GLRA3: variants seen among roughly 807,000 people sequenced by gnomAD.
GLRA3 encodes the protein glycine receptor alpha 3, also known as glycine receptor subunit alpha-3.
Under a neutral mutation model 60.4 loss-of-function variants are expected in GLRA3, and 44 were observed. The observed-to-expected ratio is 0.73, with a 90% CI of 0.57 to 0.94. GLRA3 has a LOEUF of 0.94. Ranked by LOEUF, GLRA3 falls within the 40% of genes least tolerant of loss-of-function variation. The pLI is 0.00. For missense variants in GLRA3, 508 were observed against 564.6 expected (o/e 0.90, Z 1.02); for synonymous variants, 223 against 192.9 (o/e 1.16, Z -1.29).
chr4:174,784,927 G>A (rs1240385117), intron 2 of GLRA3, among the ~76,000 whole-genome samples: 1 of 152,046 alleles, frequency 6.6e-6, no homozygotes, highest in Non-Finnish European at 1.5e-5. Flanking sequence ...CTATTCTGGA[G>A]GGGAAGAGAA....
intron 4 of GLRA3, among the ~76,000 whole-genome samples, chr4:174,719,251 C>A (rs1736050690): frequency 6.6e-6 from 1 of 152,222 alleles, no homozygotes; most frequent in East Asian, 1.9e-4. Flanking sequence ...GCGTGAGCCA[C>A]CGCGCCCGGC....
chr4:174,687,331 T>C (rs769589743), intron 5 of GLRA3, among the ~76,000 whole-genome samples: 2 of 152,204 alleles, frequency 1.3e-5, no homozygotes, highest in Non-Finnish European at 2.9e-5. Flanking sequence ...TTTAGTAAAT[T>C]TGGACCCTAT....
intron 1 of GLRA3, among the ~76,000 whole-genome samples, chr4:174,812,893 T>C (rs955411523): frequency 6.6e-6 from 1 of 152,114 alleles, no homozygotes; most frequent in Non-Finnish European, 1.5e-5. Context: ...AGGCAAAACA[T>C]TAACAGTTCC....
At chr4:174,794,304 A>T (rs1579619481) in intron 1 of GLRA3, among the ~76,000 whole-genome samples, 3 of 152,078 alleles carry the variant, frequency 2.0e-5, no homozygotes, top group Non-Finnish European at 4.4e-5. Flanking sequence ...TGCACTTTTT[A>T]AAAAAATATT....
chr4:174,766,350 G>C (rs1383590568), intron 3 of GLRA3, among the ~76,000 whole-genome samples: 3 of 151,912 alleles, frequency 2.0e-5, no homozygotes, highest in Non-Finnish European at 4.4e-5. Context: ...TTTTATTACA[G>C]TTAAATTGCC....
chr4:174,726,101 A>G (rs989006626), intron 4 of GLRA3, among the ~76,000 whole-genome samples: 2 of 152,192 alleles, frequency 1.3e-5, no homozygotes, highest in African/African-American at 2.4e-5. Context: ...CACTGACACT[A>G]TGGTGAGAGT....
At chr4:174,666,430 C>T (rs1017071828) in intron 7 of GLRA3, among the ~76,000 whole-genome samples, 2 of 151,544 alleles carry the variant, frequency 1.3e-5, no homozygotes, top group Non-Finnish European at 2.9e-5. Flanking sequence ...CCATGTATGT[C>T]CCCCAGCAGT....
At chr4:174,765,034 A>G (rs1439728323) in intron 3 of GLRA3, among the ~76,000 whole-genome samples, 1 of 152,040 alleles carries the variant, frequency 6.6e-6, no homozygotes, top group African/African-American at 2.4e-5. Context: ...AGTGAGTGAT[A>G]GATGCTCAAA....
intron 1 of GLRA3, among the ~76,000 whole-genome samples, chr4:174,819,821 T>C (rs1229906461): frequency 6.6e-6 from 1 of 152,170 alleles, no homozygotes; most frequent in Non-Finnish European, 1.5e-5. Flanking sequence ...CTCTGATAGG[T>C]GCAATAGCAG....
intron 3 of GLRA3, among the ~76,000 whole-genome samples, chr4:174,757,364 T>A (rs1255539849): frequency 6.6e-6 from 1 of 152,144 alleles, no homozygotes; most frequent in Admixed American, 6.5e-5. Context: ...ACACATCTGG[T>A]GATCAGATCT....
chr4:174,704,774 A>T (rs1434951152), intron 5 of GLRA3, among the ~76,000 whole-genome samples: 1 of 144,152 alleles, frequency 6.9e-6, no homozygotes. Flanking sequence ...AAGGAAGAAA[A>T]TCCTGACATA....
In GLRA3 at chr4:174,643,777, C is replaced by A. The variant is rs763884444; in HGVS notation, c.*9G>T. On this transcript the variant is annotated 3_prime_UTR_variant, in exon 10 of 10. Coordinates refer to ENST00000274093, the MANE Select transcript of GLRA3 (RefSeq NM_006529.4). The stretch of plus-strand genomic sequence containing the variant: ...AATTGACCATTTGCATTTGCATGCC[C>A]CCAGAGACTTAATCTTGCTGCTGAT... 1.2e-5 allele frequency: 20 copies of A among 1,609,004 alleles called. No individual in the cohort carries two copies. The highest frequency in any genetic ancestry group is 1.1e-5 in the South Asian group (1 of 90,746).
intron 7 of GLRA3, among the ~76,000 whole-genome samples, chr4:174,670,695 G>A (rs1381456884): frequency 6.6e-6 from 1 of 152,108 alleles, no homozygotes; most frequent in Admixed American, 6.6e-5. Context: ...CAAGTACAGA[G>A]AAAATGCTTG....
chr4:174,728,821 C>G, intron 3 of GLRA3, 123 bp from the exon 4 acceptor site: 1 of 608,630 alleles, frequency 1.6e-6, no homozygotes, highest in East Asian at 2.8e-5. Flanking sequence ...CTCTTGGGGA[C>G]GGGGTGTATA....
At chr4:174,647,228 G>A (rs920160583) in intron 9 of GLRA3, among the ~76,000 whole-genome samples, 5 of 152,084 alleles carry the variant, frequency 3.3e-5, no homozygotes, top group Admixed American at 1.3e-4. Flanking sequence ...CCAACATGGT[G>A]AAACCCCATC....
intron 1 of GLRA3, among the ~76,000 whole-genome samples, chr4:174,828,368 G>A (rs183302384): frequency 6.6e-6 from 1 of 151,848 alleles, no homozygotes; most frequent in African/African-American, 2.4e-5. Context: ...GTAATGTCTC[G>A]TTTCTAAATA....
chr4:174,826,017 A>C (rs566262965), intron 1 of GLRA3, among the ~76,000 whole-genome samples: 2 of 152,316 alleles, frequency 1.3e-5, no homozygotes, highest in East Asian at 1.9e-4. Flanking sequence ...GGCAGTATCT[A>C]CTAAAGTTAA....
chr4:174,701,674 A>C (rs543765492), intron 5 of GLRA3, among the ~76,000 whole-genome samples: 2 of 152,216 alleles, frequency 1.3e-5, no homozygotes, highest in East Asian at 3.8e-4. Context: ...AAAAACATTC[A>C]TGATTCGGGG....
intron 7 of GLRA3, among the ~76,000 whole-genome samples, chr4:174,672,058 T>C (rs1733928411): frequency 6.6e-6 from 1 of 152,178 alleles, no homozygotes; most frequent in Non-Finnish European, 1.5e-5. Flanking sequence ...TAAACAGTTT[T>C]TGGTGCAGAA....
Sources: allele counts gnomAD v4.1 joint callset (sites outside exome capture counted in the v4.1 genomes callset), GRCh38; gene constraint gnomAD v4.1.1; transcripts MANE v1.5; gene names NCBI Gene and HGNC (gene_info 2026-07-23, HGNC 2026-07-21).